Variants in PMAIP1 observed in about 807,000 individuals in gnomAD.
PMAIP1 encodes phorbol-12-myristate-13-acetate-induced protein 1.
A neutral mutation model predicts 3.7 loss-of-function variants in PMAIP1; 3 were observed. The observed-to-expected ratio is 0.82, with a 90% CI of 0.37 to 2.12. The LOEUF (loss-of-function observed/expected upper bound fraction) is 2.12. PMAIP1 is among the 30% of genes most tolerant of loss of function. The pLI, the probability that PMAIP1 is intolerant of heterozygous loss-of-function variation, is 0.06. For synonymous variants in PMAIP1, 29 were observed against 26.2 expected (o/e 1.11, Z -0.32); for missense variants, 77 against 67.1 (o/e 1.15, Z -0.52).
chr18:59,902,984 T>A lies in PMAIP1; in HGVS notation c.*231T>A. ...CATTATAAAACCACTTTGTTTATTTTAAAGCAAGAATGGAAGACCCTTGAA... is the reference window on the plus strand; with the variant it reads ...CATTATAAAACCACTTTGTTTATTTAAAAGCAAGAATGGAAGACCCTTGAA... On this transcript the variant is annotated 3_prime_UTR_variant, in exon 2 of 2. Transcript: ENST00000316660. The A allele has an allele frequency of 3.0e-6, 2 of 663,330 alleles. No individual in the cohort carries two copies. The highest frequency in any genetic ancestry group is 5.2e-6 in the Non-Finnish European group (2 of 384,122). The allele number at this position is 663,330 out of a possible 1,614,324, so 41.1% of individuals were successfully genotyped here.
At chr18:59,901,310 T>A (rs948848696) in intron 1 of PMAIP1, among the ~76,000 whole-genome samples, 4 of 152,250 alleles carry the variant, frequency 2.6e-5, no homozygotes, top group Non-Finnish European at 4.4e-5. Flanking sequence ...CCTTGTTTTC[T>A]ACATTTTTGG....
At position 59,903,734 on chromosome 18, in the gene PMAIP1, TTTC is replaced by T. The variant is rs2055789921; in HGVS notation, c.*984_*986del. 6.6e-6 allele frequency: 1 copy of T among 152,102 alleles called. No individual in the cohort carries two copies. The highest frequency in any genetic ancestry group is 6.5e-5 in the Admixed American group (1 of 15,272). The allele number at this position is 152,102 out of a possible 1,614,324, so 9.4% of individuals were successfully genotyped here. The stretch of plus-strand genomic sequence containing the variant: ...AATATTTTCATAATTGGAATATACT[TTTC>T]TTAAAAAAAAGGAACAGTTAGTTCT... On this transcript the variant is annotated 3_prime_UTR_variant, in exon 2 of 2. Transcript: ENST00000316660.
chr18:59,901,877 A>G (rs913341308), intron 1 of PMAIP1, among the ~76,000 whole-genome samples: 1 of 152,226 alleles, frequency 6.6e-6, no homozygotes, highest in African/African-American at 2.4e-5. Flanking sequence ...CAGTTAGAAT[A>G]ACTCAATTCC....
intron 1 of PMAIP1, 106 bp downstream of exon 1, chr18:59,900,341 T>C (rs1228554977): frequency 2.0e-6 from 3 of 1,522,874 alleles, no homozygotes; most frequent in Non-Finnish European, 2.6e-6. Flanking sequence ...AAGCACAGAC[T>C]GCACGGGGGT....
chr18:59,900,723 T>A, intron 1 of PMAIP1: 3 of 804,052 alleles, frequency 3.7e-6, no homozygotes, highest in Non-Finnish European at 3.8e-6. Context: ...TTGTAACATT[T>A]AAATAATCGA....
rs1287628015 is a variant in PMAIP1, at chr18:59,903,868, A to G, written c.*1115A>G. 1 of 152,160 alleles carries G rather than the reference A, an allele frequency of 6.6e-6. No homozygotes were observed. 9.4% of individuals were successfully genotyped at this position (152,160 alleles called of 1,614,324 possible). A position where few individuals can be genotyped will look rare whatever the true frequency, so the allele number is the denominator to read the frequency against. ...TAGATAATTTGTATTAGAGTATTAT[A>G]TAGCTTCTTAGTAGGGTCTCAAGTA... On this transcript the variant is annotated 3_prime_UTR_variant, in exon 2 of 2. Transcript: ENST00000316660.
intron 1 of PMAIP1, chr18:59,900,516 TTCC>T (rs1454807145): frequency 1.3e-6 from 2 of 1,550,486 alleles, no homozygotes; most frequent in Non-Finnish European, 1.7e-6. Context: ...AAAAGCTCCT[TTCC>T]TCCTCTCTTT....
At position 59,902,713 on chromosome 18, in the gene PMAIP1, TTC is replaced by T; in HGVS notation, c.127_128del (p.Leu43GlufsTer44). 6.2e-7 allele frequency: 1 copy of T among 1,614,180 alleles called. No homozygotes were observed. Among genetic ancestry groups the T allele is most frequent in the Non-Finnish European group, 8.5e-7 (1 of 1,180,006 alleles). On this transcript the variant is annotated frameshift_variant, in exon 2 of 2. Transcript: ENST00000316660. LOFTEE classifies it high-confidence loss of function. ...GACAAACTGAACTTCCGGCAGAAAC[TTC>T]TGAATCTGATATCCAAACTCTTCTG...
chr18:59,902,619 C>T (rs2143563281), intron 1 of PMAIP1, 28 bp from the exon 2 acceptor site: 1 of 1,590,256 alleles, frequency 6.3e-7, no homozygotes, highest in East Asian at 2.2e-5. Context: ...CATCAATGTT[C>T]ATGTCCATGT....
chr18:59,901,194 G>C (rs962510911), intron 1 of PMAIP1, among the ~76,000 whole-genome samples: 2 of 152,194 alleles, frequency 1.3e-5, no homozygotes, highest in Non-Finnish European at 2.9e-5. Flanking sequence ...AGAACAGGAA[G>C]CAGCACAAAG....
In PMAIP1 at chr18:59,902,945, T is replaced by A; in HGVS notation, c.*192T>A. 1 of 902,276 alleles carries A rather than the reference T, an allele frequency of 1.1e-6. No individual in the cohort carries two copies. Among genetic ancestry groups the A allele is most frequent in the Non-Finnish European group, 1.7e-6 (1 of 576,188 alleles). 55.9% of individuals were successfully genotyped at this position (902,276 alleles called of 1,614,324 possible). A position where few individuals can be genotyped will look rare whatever the true frequency, so the allele number is the denominator to read the frequency against. On this transcript the variant is annotated 3_prime_UTR_variant, in exon 2 of 2. Transcript: ENST00000316660. ...TCAAGTTTTCCCAGATTATCATTCT[T>A]TGGGATGAGAGAACATTATAAAACC...
chr18:59,900,612 G>A (rs1297359211), intron 1 of PMAIP1: 2 of 1,547,634 alleles, frequency 1.3e-6, no homozygotes. Context: ...AGTCATTGTC[G>A]CGGCAGAAGG....
rs750986075 is a variant in PMAIP1 at position 59,902,887 on chromosome 18, C to T, written c.*134C>T. The T allele has an allele frequency of 9.0e-5, 128 of 1,415,632 alleles. No individual in the cohort carries two copies. Among genetic ancestry groups the T allele is most frequent in the Non-Finnish European group, 1.1e-4 (116 of 1,021,446 alleles). 87.7% of individuals were successfully genotyped at this position (1,415,632 alleles called of 1,614,324 possible). ...GTGCATTCATGGGTGCCCTTGGAAA[C>T]GGAAGATGGAATACATCAAAGTGAA... On this transcript the variant is annotated 3_prime_UTR_variant, in exon 2 of 2. Transcript: ENST00000316660.
chr18:59,902,940 A>G lies in PMAIP1; in HGVS notation c.*187A>G. On this transcript the variant is annotated 3_prime_UTR_variant, in exon 2 of 2. Coordinates refer to ENST00000316660, the MANE Select transcript of PMAIP1 (RefSeq NM_021127.3). Reference sequence around the variant, plus strand: ...TCTGTTCAAGTTTTCCCAGATTATCATTCTTTGGGATGAGAGAACATTATA... The same window carrying G: ...TCTGTTCAAGTTTTCCCAGATTATCGTTCTTTGGGATGAGAGAACATTATA... 1 of 923,452 alleles carries G rather than the reference A, an allele frequency of 1.1e-6. No individual in the cohort carries two copies. The highest frequency in any genetic ancestry group is 1.5e-5 in the South Asian group (1 of 64,736). The allele number at this position is 923,452 out of a possible 1,614,324, so 57.2% of individuals were successfully genotyped here. A position where few individuals can be genotyped will look rare whatever the true frequency, so the allele number is the denominator to read the frequency against.
chr18:59,901,416 C>T (rs1319858755), intron 1 of PMAIP1, among the ~76,000 whole-genome samples: 2 of 152,162 alleles, frequency 1.3e-5, no homozygotes, highest in African/African-American at 4.8e-5. Flanking sequence ...ATTAATATAT[C>T]TCAATCTCTG....
chr18:59,902,799 T>C lies in PMAIP1; in HGVS notation c.*46T>C, dbSNP rs2055782336. On this transcript the variant is annotated 3_prime_UTR_variant, in exon 2 of 2. Coordinates refer to ENST00000316660, the MANE Select transcript of PMAIP1 (RefSeq NM_021127.3). Reference sequence around the variant, plus strand: ...AGGGGACTCCTTCAAAAGAGTTTTCTCAGGAGGTGCACGTTTCATCAATTT... The same window carrying C: ...AGGGGACTCCTTCAAAAGAGTTTTCCCAGGAGGTGCACGTTTCATCAATTT... The C allele has an allele frequency of 6.2e-7, 1 of 1,613,884 alleles. No individual in the cohort carries two copies. The highest frequency in any genetic ancestry group is 2.2e-5 in the East Asian group (1 of 44,888).
intron 1 of PMAIP1, 98 bp downstream of exon 1, chr18:59,900,333 G>T (rs1599208937): frequency 6.6e-7 from 1 of 1,519,226 alleles, no homozygotes. Context: ...CGGGGCTCAA[G>T]CACAGACTGC....
At position 59,900,047 on chromosome 18, in the gene PMAIP1, C is replaced by A; in HGVS notation, c.-131C>A. On this transcript the variant is annotated 5_prime_UTR_variant, in exon 1 of 2. Transcript: ENST00000316660. ...TAGTTGGCATCTCCGCGCGTCCGGA[C>A]ACCCGATCCCAGCATCCCTGCCTGC... is the stretch of plus-strand genomic sequence containing the variant. The A allele has an allele frequency of 1.1e-6, 1 of 943,888 alleles. No individual in the cohort carries two copies. The highest frequency in any genetic ancestry group is 1.7e-5 in the African/African-American group (1 of 58,036). 58.5% of individuals were successfully genotyped at this position (943,888 alleles called of 1,614,324 possible).
rs1354901572 is a variant in PMAIP1 at position 59,903,774 on chromosome 18, A to C, written c.*1021A>C. ...GAACAGTTAGTTCTCATCTAGAATG[A>C]AAGTTCCATATATGCATTGGTGAAT... is the stretch of plus-strand genomic sequence containing the variant. On this transcript the variant is annotated 3_prime_UTR_variant, in exon 2 of 2. Coordinates refer to ENST00000316660, the MANE Select transcript of PMAIP1 (RefSeq NM_021127.3). 2 of 152,196 alleles carry C rather than the reference A, an allele frequency of 1.3e-5. No homozygotes were observed. The highest frequency in any genetic ancestry group is 2.1e-4 in the South Asian group (1 of 4,834). The allele number at this position is 152,196 out of a possible 1,614,324, so 9.4% of individuals were successfully genotyped here.
Sources: gnomAD v4.1 joint callset for allele counts (sites outside exome capture counted in the v4.1 genomes callset) on GRCh38, gnomAD v4.1.1 for gene constraint, MANE v1.5 for transcripts, NCBI Gene and HGNC (gene_info 2026-07-23, HGNC 2026-07-21) for gene names.